The following AP3S1 variants were observed in gnomAD, a reference collection of about 807,000 sequenced individuals.
The protein encoded by AP3S1 is AP-3 complex subunit sigma-1.
In AP3S1, 12 loss-of-function variants were observed where a neutral mutation model predicts 21.3. The observed-to-expected ratio is 0.56, with a 90% CI of 0.36 to 0.91. The LOEUF (loss-of-function observed/expected upper bound fraction) is 0.91. Ranked by LOEUF, AP3S1 falls within the 40% of genes least tolerant of loss-of-function variation. The probability of loss-of-function intolerance (pLI) is 0.01; values close to 1 mark genes in which losing one functional copy is unlikely to be tolerated. For synonymous variants in AP3S1, 48 were observed against 78.4 expected (o/e 0.61, Z 2.05); for missense variants, 116 against 225.0 (o/e 0.52, Z 3.10).
chr5:115,885,330 C>A (rs568246648), intron 3 of AP3S1, among the ~76,000 whole-genome samples: 15 of 152,110 alleles, frequency 9.9e-5, no homozygotes, highest in Non-Finnish European at 1.9e-4. Context: ...CAGTCCGAGT[C>A]CAAAAGCCTC....
rs539132791 is a variant in AP3S1, at chr5:115,871,988, A to G, written c.273+1860A>G. The stretch of plus-strand genomic sequence containing the variant: ...ACCCAAGCAGACAACTTAGGTAACA[A>G]ATTCTTAGCACTGTGGCTAAGGCTT... On this transcript the variant is annotated intron_variant, in intron 3 of 5. Coordinates refer to ENST00000316788, the MANE Select transcript of AP3S1 (RefSeq NM_001284.4). Among the ~76,000 whole-genome samples, 7 of 152,330 alleles carry G rather than the reference A, an allele frequency of 4.6e-5. No homozygotes were observed. The East Asian group carries it at 1.4e-3, about 29-fold the overall frequency.
At chr5:115,862,922 G>A (rs1360827883) in intron 1 of AP3S1, among the ~76,000 whole-genome samples, 4 of 152,160 alleles carry the variant, frequency 2.6e-5, no homozygotes, top group Non-Finnish European at 5.9e-5. Flanking sequence ...CTGTGGCTGT[G>A]GTTGCCCAGT....
At chr5:115,844,104 T>A (rs1415918873) in intron 1 of AP3S1, among the ~76,000 whole-genome samples, 4 of 152,256 alleles carry the variant, frequency 2.6e-5, no homozygotes, top group African/African-American at 9.6e-5. Flanking sequence ...TTTTTGTCTT[T>A]CAGGAATAAT....
intron 3 of AP3S1, among the ~76,000 whole-genome samples, chr5:115,876,266 G>T (rs1304651112): frequency 6.6e-6 from 1 of 152,184 alleles, no homozygotes; most frequent in African/African-American, 2.4e-5. Flanking sequence ...GAATATAGTA[G>T]ACACGCTTTT....
chr5:115,907,376 C>A (rs1334237406), intron 5 of AP3S1, among the ~76,000 whole-genome samples: 1 of 152,078 alleles, frequency 6.6e-6, no homozygotes, highest in African/African-American at 2.4e-5. Context: ...GCAGTGAAGG[C>A]TTAGAATAGT....
chr5:115,855,320 T>C (rs1308083775), intron 1 of AP3S1, among the ~76,000 whole-genome samples: 1 of 152,120 alleles, frequency 6.6e-6, no homozygotes, highest in Non-Finnish European at 1.5e-5. Flanking sequence ...ATTACAGGCG[T>C]GAGCCACCGT....
chr5:115,847,761 A>G (rs559411902), intron 1 of AP3S1, among the ~76,000 whole-genome samples: 2 of 152,322 alleles, frequency 1.3e-5, no homozygotes, highest in Admixed American at 6.5e-5. Flanking sequence ...TATCACCACT[A>G]TTCCCTCTTT....
chr5:115,873,006 C>G (rs1210426713), intron 3 of AP3S1, among the ~76,000 whole-genome samples: 2 of 152,078 alleles, frequency 1.3e-5, no homozygotes, highest in Admixed American at 1.3e-4. Context: ...GGAAGAAAAA[C>G]AGGAGAAAGT....
At chr5:115,867,570 T>G (rs368669751) in intron 2 of AP3S1, among the ~76,000 whole-genome samples, 4 of 152,180 alleles carry the variant, frequency 2.6e-5, no homozygotes, top group Non-Finnish European at 5.9e-5. Context: ...CATAAGGTAC[T>G]TTTTATCATG....
At chr5:115,858,419 A>G (rs1421234941) in intron 1 of AP3S1, among the ~76,000 whole-genome samples, 2 of 152,178 alleles carry the variant, frequency 1.3e-5, no homozygotes, top group South Asian at 4.1e-4. Context: ...ATGTGTGATC[A>G]TTTATACCTT....
chr5:115,860,487 T>C (rs983620595), intron 1 of AP3S1, among the ~76,000 whole-genome samples: 2 of 152,178 alleles, frequency 1.3e-5, no homozygotes, highest in African/African-American at 4.8e-5. Flanking sequence ...TTGGGGATGG[T>C]AGTGGGAATT....
chr5:115,860,908 T>C (rs917903796), intron 1 of AP3S1, among the ~76,000 whole-genome samples: 8 of 152,226 alleles, frequency 5.3e-5, no homozygotes, highest in African/African-American at 1.7e-4. Flanking sequence ...TTGCCTTTTT[T>C]ATGTGTAAGG....
chr5:115,845,771 A>T lies in AP3S1; in HGVS notation c.69+3665A>T, dbSNP rs932491442. ...GAATTGCTTGAACCTGGGGAGGTGG[A>T]GAATGCAGTGAGCTGAGATCGTGCC... is the stretch of plus-strand genomic sequence containing the variant. On this transcript the variant is annotated intron_variant, in intron 1 of 5. Coordinates refer to ENST00000316788, the MANE Select transcript of AP3S1 (RefSeq NM_001284.4). Among the ~76,000 whole-genome samples, 36 of 134,584 alleles carry T rather than the reference A, an allele frequency of 2.7e-4. 1 individual carries two copies. The highest frequency in any genetic ancestry group is 9.9e-4 in the African/African-American group (36 of 36,524). 88.3% of individuals were successfully genotyped at this position (134,584 alleles called of 152,430 possible). A position where few individuals can be genotyped will look rare whatever the true frequency, so the allele number is the denominator to read the frequency against.
chr5:115,890,994 A>G (rs1378554885), intron 3 of AP3S1, among the ~76,000 whole-genome samples: 1 of 152,166 alleles, frequency 6.6e-6, no homozygotes, highest in African/African-American at 2.4e-5. Flanking sequence ...TCTGTGTTCA[A>G]GCAGCATTAC....
intron 4 of AP3S1, among the ~76,000 whole-genome samples, chr5:115,900,687 C>T (rs1751136753): frequency 6.6e-6 from 1 of 152,116 alleles, no homozygotes; most frequent in Admixed American, 6.5e-5. Context: ...TCCAAGGAAC[C>T]CTGGCTTCCT....
At chr5:115,905,205 G>A (rs1751546079) in intron 5 of AP3S1, among the ~76,000 whole-genome samples, 1 of 152,148 alleles carries the variant, frequency 6.6e-6, no homozygotes, top group African/African-American at 2.4e-5. Context: ...TGCATAATGG[G>A]TATTTGCTTT....
rs561818060 is a variant in AP3S1 at position 115,864,823 on chromosome 5, C to G, written c.70-1847C>G. Among the ~76,000 whole-genome samples, 6 of 152,192 alleles carry G rather than the reference C, an allele frequency of 3.9e-5. No individual in the cohort carries two copies. In the South Asian group the frequency reaches 1.2e-3, roughly 32 times the overall value. Reference sequence around the variant, plus strand: ...TGGAGATGAGTGCTTCTGAACAATGCCAGATGATAAGGAAGTAGACTTAGA... The same window carrying G: ...TGGAGATGAGTGCTTCTGAACAATGGCAGATGATAAGGAAGTAGACTTAGA... On this transcript the variant is annotated intron_variant, in intron 1 of 5. Coordinates refer to ENST00000316788, the MANE Select transcript of AP3S1 (RefSeq NM_001284.4).
At chr5:115,884,713 C>T (rs1365480428) in intron 3 of AP3S1, among the ~76,000 whole-genome samples, 1 of 152,188 alleles carries the variant, frequency 6.6e-6, no homozygotes, top group East Asian at 1.9e-4. Context: ...TATACAGAGT[C>T]TTTCTAAACT....
At chr5:115,879,825 G>T (rs772958727) in intron 3 of AP3S1, among the ~76,000 whole-genome samples, 1 of 152,084 alleles carries the variant, frequency 6.6e-6, no homozygotes, top group African/African-American at 2.4e-5. Context: ...CTGTCAACCT[G>T]TCTGGTCCTG....
Sources: allele counts gnomAD v4.1 joint callset (sites outside exome capture counted in the v4.1 genomes callset), GRCh38; gene constraint gnomAD v4.1.1; transcripts MANE v1.5; gene names NCBI Gene and HGNC (gene_info 2026-07-23, HGNC 2026-07-21).